SLC6A5: variants seen among roughly 807,000 people sequenced by gnomAD.
The protein encoded by SLC6A5 is sodium- and chloride-dependent glycine transporter 2.
SLC6A5 carries 58 observed loss-of-function variants against 90.5 expected under a neutral mutation model. The ratio of observed to expected loss-of-function variants is 0.64; its 90% CI spans 0.52 to 0.80. SLC6A5 has a LOEUF of 0.80. Ranked by LOEUF, SLC6A5 falls within the 30% of genes least tolerant of loss-of-function variation. The probability of loss-of-function intolerance (pLI) is 0.00; values close to 1 mark genes in which losing one functional copy is unlikely to be tolerated. For synonymous variants in SLC6A5, 427 were observed against 401.4 expected (o/e 1.06, Z -0.76); for missense variants, 1,015 against 1,017.6 (o/e 1.00, Z 0.03).
At chr11:20,623,335 T>A (rs926438250) in intron 7 of SLC6A5, among the ~76,000 whole-genome samples, 2 of 152,198 alleles carry the variant, frequency 1.3e-5, no homozygotes, top group African/African-American at 4.8e-5. Context: ...TTTCAGTTGC[T>A]GAGGCCAAAA....
At chr11:20,601,082 A>G in intron 1 of SLC6A5, 47 bp from the exon 2 acceptor site, 1 of 1,550,370 alleles carries the variant, frequency 6.5e-7, no homozygotes, top group Non-Finnish European at 8.7e-7. Context: ...GGTATTTTAA[A>G]AGCTGTTGTG....
intron 4 of SLC6A5, 92 bp from the exon 5 acceptor site, chr11:20,607,387 G>A (rs1343802883): frequency 7.0e-7 from 1 of 1,422,400 alleles, no homozygotes; most frequent in Non-Finnish European, 9.9e-7. Flanking sequence ...CTGTACAAGA[G>A]AGCCTAGACC....
Position 20,614,790 on chromosome 11 carries a change from C to T in SLC6A5, c.1097C>T (p.Thr366Ile), listed in dbSNP as rs1331727512. The change falls in exon 6 of 16, where the codon ACA becomes ATA. Residue 366 changes from threonine (T) to isoleucine (I), a missense_variant. By Grantham distance (89) the Thr-to-Ile change is moderately conservative. This residue lies in a region of SLC6A5 where 567 missense variants were observed against 507.3 expected (regional missense o/e 1.12). Transcript: ENST00000525748. ...AATTTCACCAGCCAGGCCAATAAGA[C>T]ATTTGTCAGTGGAAGTGAAGAGTAC... ...MVNFTSQANKTFVSGSEEYFK... is the reference protein window; with the variant it reads ...MVNFTSQANKIFVSGSEEYFK... 6.2e-7 allele frequency: 1 copy of T among 1,613,932 alleles called. No homozygotes were observed. The highest frequency in any genetic ancestry group is 8.5e-7 in the Non-Finnish European group (1 of 1,179,776).
At chr11:20,642,470 C>T (rs1350959641) in intron 13 of SLC6A5, among the ~76,000 whole-genome samples, 1 of 152,066 alleles carries the variant, frequency 6.6e-6, no homozygotes, top group Admixed American at 6.6e-5. Context: ...ACCTTCTTTC[C>T]CCCCTGCTGT....
chr11:20,645,030 C>T (rs930443706), intron 13 of SLC6A5, among the ~76,000 whole-genome samples: 3 of 151,964 alleles, frequency 2.0e-5, no homozygotes, highest in South Asian at 2.1e-4. Context: ...CCAGGCTGAT[C>T]TCGAACTCCT....
At chr11:20,611,797 C>G (rs185655687) in intron 5 of SLC6A5, among the ~76,000 whole-genome samples, 1 of 152,028 alleles carries the variant, frequency 6.6e-6, no homozygotes, top group African/African-American at 2.4e-5. Flanking sequence ...GTGTCAATCC[C>G]CACTCTTTCT....
intron 10 of SLC6A5, among the ~76,000 whole-genome samples, chr11:20,635,047 C>T (rs951666412): frequency 1.2e-4 from 18 of 152,024 alleles, no homozygotes; most frequent in Non-Finnish European, 1.6e-4. Flanking sequence ...AGAAAACTGC[C>T]GCTCAGACTT....
intron 3 of SLC6A5, 108 bp downstream of exon 3, chr11:20,604,532 A>T (rs748131593): frequency 3.7e-4 from 509 of 1,375,670 alleles, no homozygotes; most frequent in Non-Finnish European, 5.0e-4. Flanking sequence ...GGCTCAGGAC[A>T]GCCTCCTTAG....
chr11:20,604,157 T>A, intron 2 of SLC6A5, 129 bp from the exon 3 acceptor site: 1 of 1,174,828 alleles, frequency 8.5e-7, no homozygotes, highest in Non-Finnish European at 1.2e-6. Context: ...TCCTGCTTGC[T>A]GATGCATCCT....
At chr11:20,610,162 G>A (rs1852665931) in intron 5 of SLC6A5, among the ~76,000 whole-genome samples, 1 of 152,238 alleles carries the variant, frequency 6.6e-6, no homozygotes, top group African/African-American at 2.4e-5. Context: ...CCATTCCACA[G>A]CTTCCAATTT....
At chr11:20,650,697 C>T (rs796603136) in intron 14 of SLC6A5, among the ~76,000 whole-genome samples, 2,259 of 135,444 alleles carry the variant, frequency 0.017, 72 homozygotes, top group African/African-American at 0.063. Flanking sequence ...GATGGAGTCT[C>T]GCTCTGTCGC....
chr11:20,649,440 T>A (rs528522104), intron 14 of SLC6A5, among the ~76,000 whole-genome samples: 14 of 152,278 alleles, frequency 9.2e-5, no homozygotes, highest in African/African-American at 3.4e-4. Flanking sequence ...AAGGACAGGG[T>A]TTCATCAAAG....
intron 7 of SLC6A5, among the ~76,000 whole-genome samples, chr11:20,619,091 C>G (rs1410253831): frequency 6.6e-6 from 1 of 152,132 alleles, no homozygotes; most frequent in Non-Finnish European, 1.5e-5. Flanking sequence ...GTCTTTAAGG[C>G]TCAAGGAATG....
intron 13 of SLC6A5, among the ~76,000 whole-genome samples, chr11:20,642,986 C>T (rs1853342038): frequency 6.6e-6 from 1 of 152,226 alleles, no homozygotes; most frequent in Non-Finnish European, 1.5e-5. Context: ...TGATCCACCC[C>T]TTCCTACAGC....
rs545778856 is a variant in SLC6A5 at position 20,649,069 on chromosome 11, A to G, written c.2070+2135A>G. On this transcript the variant is annotated intron_variant, in intron 14 of 15. Coordinates refer to ENST00000525748, the MANE Select transcript of SLC6A5 (RefSeq NM_004211.5). ...TAAAAACCTAGTACTTTCATCTTCA[A>G]TTAGAGTTTGGCCAGTTTGGATTAA... Among the ~76,000 whole-genome samples the G allele has an allele frequency of 2.2e-3, 332 of 152,272 alleles. 2 individuals are homozygous for G. Among genetic ancestry groups the G allele is most frequent in the Non-Finnish European group, 3.3e-3 (222 of 68,016 alleles).
intron 7 of SLC6A5, among the ~76,000 whole-genome samples, chr11:20,618,604 G>A (rs1015918550): frequency 6.6e-6 from 1 of 152,146 alleles, no homozygotes; most frequent in Non-Finnish European, 1.5e-5. Flanking sequence ...TGTTGTAGGG[G>A]TCACAGTAAC....
intron 15 of SLC6A5, among the ~76,000 whole-genome samples, chr11:20,653,314 A>G (rs1378015398): frequency 6.6e-6 from 1 of 152,228 alleles, no homozygotes; most frequent in Non-Finnish European, 1.5e-5. Context: ...GAATCCAGGC[A>G]GAAGACTCCT....
At position 20,630,799 on chromosome 11, in the gene SLC6A5, G is replaced by A. The variant is rs1565282792; in HGVS notation, c.1608G>A (p.Glu536=). The A allele has an allele frequency of 1.9e-6, 3 of 1,614,210 alleles. No individual in the cohort carries two copies. Among genetic ancestry groups the A allele is most frequent in the Non-Finnish European group, 1.7e-6 (2 of 1,180,018 alleles). The change falls in exon 10 of 16, where the codon GAG becomes GAA. Residue 536 remains glutamate, a synonymous_variant. Coordinates refer to ENST00000525748, the MANE Select transcript of SLC6A5 (RefSeq NM_004211.5). ...CCAATGAACGCAAAGTCAACATTGA[G>A]AATGTGGCAGACCAAGGTACAGGAC... The part of the protein sequence containing the change: ...FMANERKVNI[E]NVADQGPGIA...
chr11:20,602,821 T>G (rs898260138), intron 2 of SLC6A5, among the ~76,000 whole-genome samples: 1 of 151,996 alleles, frequency 6.6e-6, no homozygotes, highest in Non-Finnish European at 1.5e-5. Context: ...ACATCCGGAG[T>G]GTTTTTCTAT....
Sources: allele counts gnomAD v4.1 joint callset (sites outside exome capture counted in the v4.1 genomes callset), GRCh38; gene constraint gnomAD v4.1.1; regional missense constraint gnomAD v4.1.1; transcripts MANE v1.5; gene names NCBI Gene and HGNC (gene_info 2026-07-23, HGNC 2026-07-21).